ROBO2: variants seen among roughly 807,000 people sequenced by gnomAD.
ROBO2 encodes the protein roundabout guidance receptor 2.
Under a neutral mutation model 160.8 loss-of-function variants are expected in ROBO2, and 53 were observed. The observed-to-expected ratio is 0.33, with a 90% CI of 0.26 to 0.41. The LOEUF is 0.41. Ranked by LOEUF, ROBO2 falls within the 10% of genes least tolerant of loss-of-function variation. The probability of loss-of-function intolerance (pLI) is 1.00; values close to 1 mark genes in which losing one functional copy is unlikely to be tolerated. For missense variants in ROBO2, 1,577 were observed against 1,722.4 expected (o/e 0.92, Z 1.49); for synonymous variants, 664 against 611.7 (o/e 1.09, Z -1.26).
chr3:76,479,580 A>G (rs1193877624), intron 2 of ROBO2, among the ~76,000 whole-genome samples: 2 of 152,214 alleles, frequency 1.3e-5, no homozygotes, highest in Non-Finnish European at 2.9e-5. Flanking sequence ...AATTGCCCCA[A>G]GTACTAGTGC....
intron 2 of ROBO2, among the ~76,000 whole-genome samples, chr3:76,599,763 C>G (rs544349501): frequency 6.6e-6 from 1 of 152,258 alleles, no homozygotes; most frequent in East Asian, 1.9e-4. Context: ...GAGATGGTAT[C>G]TCATTGTGGT....
intron 2 of ROBO2, among the ~76,000 whole-genome samples, chr3:76,749,136 T>G (rs1337376966): frequency 1.3e-5 from 2 of 151,902 alleles, no homozygotes; most frequent in Non-Finnish European, 2.9e-5. Context: ...ATTCAAATAC[T>G]GAAATAATAC....
intron 2 of ROBO2, among the ~76,000 whole-genome samples, chr3:77,394,577 A>T (rs959583203): frequency 6.6e-6 from 1 of 152,168 alleles, no homozygotes; most frequent in Non-Finnish European, 1.5e-5. Flanking sequence ...TATTTCAGAA[A>T]TATGTAGTTT....
At chr3:77,055,813 C>T (rs2065686272) in intron 1 of ROBO2, among the ~76,000 whole-genome samples, 1 of 152,112 alleles carries the variant, frequency 6.6e-6, no homozygotes, top group Non-Finnish European at 1.5e-5. Context: ...TTTTTCGCTT[C>T]TAATTTTAAG....
chr3:76,953,166 T>C (rs4855995), intron 2 of ROBO2, among the ~76,000 whole-genome samples: 33,837 of 152,216 alleles, frequency 0.22, 3,908 homozygotes, highest in South Asian at 0.33. Context: ...AGGTTGACTT[T>C]GCTAACCTCA....
chr3:76,512,228 T>A (rs1363084921), intron 2 of ROBO2, among the ~76,000 whole-genome samples: 1 of 151,334 alleles, frequency 6.6e-6, no homozygotes, highest in Non-Finnish European at 1.5e-5. Context: ...TAACTTTTGA[T>A]GTTTCCTTAA....
rs181799347 is a variant in ROBO2 at position 76,108,975 on chromosome 3, C to T, written c.109+171373C>T. 1.4e-3 allele frequency among the ~76,000 whole-genome samples: 207 copies of T among 151,350 alleles called. 6 individuals are homozygous for T. In the East Asian group the frequency reaches 0.033, roughly 24 times the overall value. ...TTATATGATAATAATTTTTATTACACGTATATGCTAAGTTTTTCAAGTATT... is the reference window on the plus strand; with the variant it reads ...TTATATGATAATAATTTTTATTACATGTATATGCTAAGTTTTTCAAGTATT... On this transcript the variant is annotated intron_variant, in intron 2 of 26. Coordinates refer to the ROBO2 transcript ENST00000487694.
intron 2 of ROBO2, among the ~76,000 whole-genome samples, chr3:76,031,747 C>T (rs528572887): frequency 1.4e-4 from 21 of 152,138 alleles, no homozygotes; most frequent in Admixed American, 4.6e-4. Context: ...TTTTGATGTG[C>T]TGCTGTATTT....
intron 2 of ROBO2, among the ~76,000 whole-genome samples, chr3:76,155,966 T>C (rs1478349604): frequency 6.6e-6 from 1 of 152,146 alleles, no homozygotes; most frequent in Non-Finnish European, 1.5e-5. Context: ...CGGTTATATA[T>C]ATTTTTTCAT....
chr3:77,644,725 G>A, exon 25 of ROBO2: 1 of 1,613,970 alleles, frequency 6.2e-7, no homozygotes, highest in Non-Finnish European at 8.5e-7. Context: ...GTGCCCTATA[G>A]CAAGCCCAGT....
In ROBO2 at chr3:76,398,504, T is replaced by A. The variant is rs964595015; in HGVS notation, c.109+460902T>A. 6.0e-5 allele frequency among the ~76,000 whole-genome samples: 9 copies of A among 151,004 alleles called. No homozygotes were observed. In the East Asian group the frequency reaches 1.8e-3, roughly 29 times the overall value. ...AATAAAAGAAAAGAAAAAGAAAAAATTCAAGCTGTATGTATTAGTTACGAT... is the reference window on the plus strand; with the variant it reads ...AATAAAAGAAAAGAAAAAGAAAAAAATCAAGCTGTATGTATTAGTTACGAT... On this transcript the variant is annotated intron_variant, in intron 2 of 26. Transcript: ENST00000487694.
chr3:76,450,696 G>A (rs2077428499), intron 2 of ROBO2, among the ~76,000 whole-genome samples: 1 of 152,028 alleles, frequency 6.6e-6, no homozygotes, highest in African/African-American at 2.4e-5. Context: ...AGTATTTCTT[G>A]CATTCAATGT....
At chr3:76,391,196 C>T (rs937976674) in intron 2 of ROBO2, among the ~76,000 whole-genome samples, 5 of 152,124 alleles carry the variant, frequency 3.3e-5, no homozygotes, top group South Asian at 2.1e-4. Context: ...TGTTTCTCAA[C>T]GATCAAACAG....
chr3:77,537,996 T>TA (rs2092243291), intron 6 of ROBO2, among the ~76,000 whole-genome samples: 1 of 152,046 alleles, frequency 6.6e-6, no homozygotes, highest in African/African-American at 2.4e-5. Flanking sequence ...CCATATCAGG[T>TA]ATAGACATTG....
intron 2 of ROBO2, among the ~76,000 whole-genome samples, chr3:77,462,723 A>G (rs2082370456): frequency 6.6e-6 from 1 of 151,836 alleles, no homozygotes; most frequent in Non-Finnish European, 1.5e-5. Flanking sequence ...TATAAAGTAG[A>G]TGCAGGGAAG....
chr3:76,665,348 TTAAA>T (rs1173255889), intron 2 of ROBO2, among the ~76,000 whole-genome samples: 2 of 152,164 alleles, frequency 1.3e-5, no homozygotes, highest in African/African-American at 4.8e-5. Flanking sequence ...CAAATGAAGT[TTAAA>T]TAAGTTAAAT....
At chr3:76,327,256 C>T (rs1451783697) in intron 2 of ROBO2, among the ~76,000 whole-genome samples, 1 of 152,016 alleles carries the variant, frequency 6.6e-6, no homozygotes, top group Non-Finnish European at 1.5e-5. Context: ...ATAGTATAAC[C>T]TGATATAACC....
chr3:77,582,900 AG>A (rs1559662050), intron 16 of ROBO2, among the ~76,000 whole-genome samples: 3 of 151,974 alleles, frequency 2.0e-5, no homozygotes, highest in African/African-American at 7.2e-5. Flanking sequence ...TAGCACTTTG[AG>A]GGGCTGAGGC....
intron 2 of ROBO2, among the ~76,000 whole-genome samples, chr3:76,126,357 G>A (rs185470025): frequency 2.5e-3 from 374 of 152,180 alleles, no homozygotes; most frequent in African/African-American, 8.6e-3. Context: ...TATATTCACT[G>A]TTGGACCTGA....
Sources: allele counts gnomAD v4.1 joint callset (sites outside exome capture counted in the v4.1 genomes callset), GRCh38; gene constraint gnomAD v4.1.1; transcripts MANE v1.5; gene names NCBI Gene and HGNC (gene_info 2026-07-23, HGNC 2026-07-21).